Variants in CSMD2 observed in about 807,000 individuals in gnomAD.
CSMD2 encodes CUB and sushi domain-containing protein 2.
Under a neutral mutation model 398.5 loss-of-function variants are expected in CSMD2, and 130 were observed. The ratio of observed to expected loss-of-function variants is 0.33; its 90% CI spans 0.28 to 0.38. The LOEUF is 0.38. Among genes scored for constraint, CSMD2 ranks in the 10% least tolerant of loss-of-function variants. The pLI is 1.00. For missense variants in CSMD2, 3,829 were observed against 4,764.9 expected, an observed-to-expected ratio of 0.80 and a Z score of 5.78; for synonymous variants, 1,828 against 1,908.5, an observed-to-expected ratio of 0.96 and a Z score of 1.10.
At chr1:33,599,890 C>T (rs1320543300) in intron 44 of CSMD2, 2 of 430,182 alleles carry the variant, frequency 4.6e-6, no homozygotes, top group Admixed American at 4.0e-5. Context: ...CAAGTGCACG[C>T]ATGATGTAAT....
intron 24 of CSMD2, among the ~76,000 whole-genome samples, chr1:33,697,303 T>C (rs1224096272): frequency 6.6e-6 from 1 of 152,178 alleles, no homozygotes; most frequent in Non-Finnish European, 1.5e-5. Flanking sequence ...CTTCTCTGTA[T>C]TCCTAGTGCC....
chr1:33,558,345 C>A (rs879609270), intron 54 of CSMD2, among the ~76,000 whole-genome samples: 4 of 152,150 alleles, frequency 2.6e-5, no homozygotes, highest in African/African-American at 4.8e-5. Context: ...CAGGGTTGGG[C>A]TCTTTTGAAA....
At chr1:33,884,542 T>C (rs1641456089) in intron 5 of CSMD2, 1 of 152,292 alleles carries the variant, frequency 6.6e-6, no homozygotes, top group African/African-American at 2.4e-5. Context: ...CCTCTCAGTC[T>C]CCACTAATAC....
intron 3 of CSMD2, among the ~76,000 whole-genome samples, chr1:33,980,666 C>T (rs549426379): frequency 2.0e-4 from 30 of 152,310 alleles, no homozygotes; most frequent in African/African-American, 5.8e-4. Flanking sequence ...GCACCTACTA[C>T]GTGTCAGACC....
At chr1:33,876,406 A>G (rs887693752) in intron 5 of CSMD2, among the ~76,000 whole-genome samples, 1 of 152,360 alleles carries the variant, frequency 6.6e-6, no homozygotes, top group East Asian at 1.9e-4. Context: ...ATTCTTATGT[A>G]TAATGGCAAC....
chr1:34,050,798 T>C (rs1457133419), intron 2 of CSMD2, among the ~76,000 whole-genome samples: 1 of 151,986 alleles, frequency 6.6e-6, no homozygotes, highest in Non-Finnish European at 1.5e-5. Context: ...AGGTCTTAGT[T>C]CCAAAGGGAG....
At chr1:33,721,521 A>G (rs988553875) in intron 19 of CSMD2, among the ~76,000 whole-genome samples, 1 of 152,170 alleles carries the variant, frequency 6.6e-6, no homozygotes, top group Non-Finnish European at 1.5e-5. Context: ...TTCTCTAGGG[A>G]TCGTGAGGGG....
At chr1:33,813,091 G>T (rs148548777) in intron 9 of CSMD2, 43 of 152,294 alleles carry the variant, frequency 2.8e-4, no homozygotes, top group African/African-American at 1.0e-3. Context: ...CGGAAAGTCA[G>T]ATTTTGCTGC....
intron 15 of CSMD2, among the ~76,000 whole-genome samples, chr1:33,738,654 C>G (rs1300847525): frequency 6.6e-6 from 1 of 152,028 alleles, no homozygotes; most frequent in Admixed American, 6.6e-5. Context: ...GGAGACTGAC[C>G]ACAAGGATAT....
At chr1:33,564,382 G>A (rs1221743536) in intron 53 of CSMD2, among the ~76,000 whole-genome samples, 1 of 152,094 alleles carries the variant, frequency 6.6e-6, no homozygotes, top group Non-Finnish European at 1.5e-5. Context: ...CCAGTCTAAC[G>A]TTCAATGTCT....
intron 4 of CSMD2, among the ~76,000 whole-genome samples, chr1:33,930,868 G>A (rs113123800): frequency 0.017 from 2,535 of 152,230 alleles, 65 homozygotes; most frequent in African/African-American, 0.057. Flanking sequence ...CTTGGGGGTC[G>A]GCCTTACACC....
chr1:33,949,143 G>A (rs887343177), intron 3 of CSMD2, among the ~76,000 whole-genome samples: 2 of 152,158 alleles, frequency 1.3e-5, no homozygotes, highest in Admixed American at 6.5e-5. Flanking sequence ...GGTAATAATC[G>A]CACCCAGCTT....
intron 5 of CSMD2, among the ~76,000 whole-genome samples, chr1:33,867,063 T>C (rs894451805): frequency 6.6e-6 from 1 of 152,240 alleles, no homozygotes; most frequent in African/African-American, 2.4e-5. Flanking sequence ...GCTGGACAGG[T>C]GACTTTCTTC....
At chr1:33,955,897 G>T (rs1350381284) in intron 3 of CSMD2, among the ~76,000 whole-genome samples, 1 of 152,140 alleles carries the variant, frequency 6.6e-6, no homozygotes, top group Non-Finnish European at 1.5e-5. Flanking sequence ...ACACCTGGGG[G>T]TTGGTGTCCT....
chr1:33,657,814 G>T, intron 27 of CSMD2, 132 bp downstream of exon 27: 1 of 831,640 alleles, frequency 1.2e-6, no homozygotes, highest in Non-Finnish European at 1.9e-6. Context: ...GTAAACAATG[G>T]GTTTTCTGCA....
chr1:33,904,658 T>C (rs1642970428), intron 5 of CSMD2, among the ~76,000 whole-genome samples: 1 of 151,954 alleles, frequency 6.6e-6, no homozygotes, highest in South Asian at 2.1e-4. Flanking sequence ...GGTTTTTTTG[T>C]TTGTTTTGTT....
At chr1:33,715,852 T>C (rs1368075382) in intron 20 of CSMD2, among the ~76,000 whole-genome samples, 1 of 152,070 alleles carries the variant, frequency 6.6e-6, no homozygotes, top group African/African-American at 2.4e-5. Context: ...AAAATTAGCA[T>C]TGATGAAAAA....
At chr1:33,820,440 C>A in intron 8 of CSMD2, 29 bp downstream of exon 8, 2 of 1,513,426 alleles carry the variant, frequency 1.3e-6, no homozygotes, top group Middle Eastern at 3.4e-4. Context: ...ACCCTTCTTG[C>A]AATCAGAAAA....
intron 1 of CSMD2, among the ~76,000 whole-genome samples, chr1:34,112,641 TC>T (rs1322712064): frequency 4.6e-5 from 7 of 152,218 alleles, no homozygotes; most frequent in Non-Finnish European, 1.0e-4. Flanking sequence ...TTGAGAAAAA[TC>T]AAAAGTATAT....
Sources: allele counts gnomAD v4.1 joint callset (sites outside exome capture counted in the v4.1 genomes callset), GRCh38; gene constraint gnomAD v4.1.1; transcripts MANE v1.5; gene names NCBI Gene and HGNC (gene_info 2026-07-23, HGNC 2026-07-21).